Variants in DSCAM observed in about 807,000 individuals in gnomAD.
DSCAM encodes the protein cell adhesion molecule DSCAM.
In DSCAM, 47 loss-of-function variants were observed where a neutral mutation model predicts 217.7. The observed-to-expected ratio is 0.22, with a 90% CI of 0.17 to 0.28. DSCAM has a LOEUF of 0.28. Among genes scored for constraint, DSCAM ranks in the 10% least tolerant of loss-of-function variants. The probability of loss-of-function intolerance (pLI) is 1.00; values close to 1 mark genes in which losing one functional copy is unlikely to be tolerated. For synonymous variants in DSCAM, 1,056 were observed against 1,015.3 expected (o/e 1.04, Z -0.76); for missense variants, 2,080 against 2,618.3 (o/e 0.79, Z 4.49).
intron 3 of DSCAM, among the ~76,000 whole-genome samples, chr21:40,582,336 C>T (rs375528477): frequency 2.7e-4 from 41 of 152,020 alleles, no homozygotes; most frequent in East Asian, 1.5e-3. Context: ...CGGTGAGTTT[C>T]GGTTTGCAGG....
intron 3 of DSCAM, among the ~76,000 whole-genome samples, chr21:40,590,896 A>T (rs2076979214): frequency 6.6e-6 from 1 of 152,106 alleles, no homozygotes; most frequent in Admixed American, 6.5e-5. Flanking sequence ...CAACTGCCTT[A>T]GTTTGTCCAG....
In DSCAM at chr21:40,239,162, G is replaced by A. The variant is rs373736517; in HGVS notation, c.2356+36935C>T. ...TTTTCTGCAGAGAAGAATGCACAGC[G>A]TTTCAGGATGTCAAAACCTTAAATA... On this transcript the variant is annotated intron_variant, in intron 11 of 32. Transcript: ENST00000400454. Among the ~76,000 whole-genome samples, 37 of 152,198 alleles carry A rather than the reference G, an allele frequency of 2.4e-4. No individual in the cohort carries two copies. In the East Asian group the frequency reaches 3.3e-3, roughly 14 times the overall value.
chr21:40,813,628 T>G (rs1308008937), intron 1 of DSCAM, among the ~76,000 whole-genome samples: 4 of 151,678 alleles, frequency 2.6e-5, no homozygotes. Context: ...TTTTGAGGAT[T>G]TCTTTCTTTC....
intron 2 of DSCAM, among the ~76,000 whole-genome samples, chr21:40,696,899 C>A (rs923996968): frequency 5.3e-5 from 8 of 151,916 alleles, no homozygotes; most frequent in African/African-American, 1.9e-4. Context: ...CAATCTTTTC[C>A]CTGTGTTGGG....
At chr21:40,519,628 A>G (rs1157682596) in intron 3 of DSCAM, among the ~76,000 whole-genome samples, 1 of 152,122 alleles carries the variant, frequency 6.6e-6, no homozygotes, top group Non-Finnish European at 1.5e-5. Context: ...AGAAATTTCT[A>G]TTGTTTACAA....
intron 11 of DSCAM, among the ~76,000 whole-genome samples, chr21:40,256,040 G>C (rs2073365999): frequency 1.3e-5 from 2 of 152,226 alleles, no homozygotes; most frequent in African/African-American, 4.8e-5. Flanking sequence ...CACTAAGTTT[G>C]TGGTAGTTTG....
At chr21:40,808,221 T>C (rs1487381516) in intron 1 of DSCAM, among the ~76,000 whole-genome samples, 1 of 152,140 alleles carries the variant, frequency 6.6e-6, no homozygotes, top group African/African-American at 2.4e-5. Flanking sequence ...AATTCCACTG[T>C]CCTTGTATCA....
chr21:40,028,495 A>C lies in DSCAM; in HGVS notation c.5686+13876T>G, dbSNP rs559216754. Among the ~76,000 whole-genome samples the C allele has an allele frequency of 4.8e-3, 732 of 151,904 alleles. 10 individuals carry two copies. Among genetic ancestry groups the C allele is most frequent in the African/African-American group, 0.017 (696 of 41,466 alleles). Reference sequence around the variant, plus strand: ...ATCTCAGACTGCTCTGCTAGCAATCAGCGAGACTCCATGGGCGTAGGACCC... The same window carrying C: ...ATCTCAGACTGCTCTGCTAGCAATCCGCGAGACTCCATGGGCGTAGGACCC... On this transcript the variant is annotated intron_variant, in intron 32 of 32. Transcript: ENST00000400454.
chr21:40,754,301 G>A (rs921104536), intron 1 of DSCAM, among the ~76,000 whole-genome samples: 6 of 152,140 alleles, frequency 3.9e-5, no homozygotes, highest in African/African-American at 1.4e-4. Flanking sequence ...CACAACAGGT[G>A]CAATACTTTT....
In DSCAM at chr21:40,648,347, G is replaced by A. The variant is rs758042585; in HGVS notation, c.508+44463C>T. Among the ~76,000 whole-genome samples the A allele has an allele frequency of 4.6e-5, 7 of 151,582 alleles. No individual in the cohort carries two copies. In the South Asian group the frequency reaches 6.2e-4, roughly 13 times the overall value. ...TTTACCCAACTGTCCTGACACTTCT[G>A]ATTTTAGGAATTGCTAGGGTGATCT... On this transcript the variant is annotated intron_variant, in intron 3 of 32. Transcript: ENST00000400454.
chr21:40,187,094 G>A, intron 14 of DSCAM, 37 bp downstream of exon 14: 1 of 1,608,730 alleles, frequency 6.2e-7, no homozygotes, highest in Non-Finnish European at 8.5e-7. Context: ...AGAACTTTCT[G>A]AGGTGGAAGG....
intron 3 of DSCAM, among the ~76,000 whole-genome samples, chr21:40,540,290 T>A (rs1398376302): frequency 6.6e-6 from 1 of 152,160 alleles, no homozygotes; most frequent in Non-Finnish European, 1.5e-5. Context: ...AAAGTTCAGA[T>A]CAAACAACAA....
At chr21:40,709,325 C>A (rs2837789) in intron 1 of DSCAM, among the ~76,000 whole-genome samples, 47,631 of 152,036 alleles carry the variant, frequency 0.31, 8,058 homozygotes, top group African/African-American at 0.44. Flanking sequence ...ATTAAAATTG[C>A]AAATCATATG....
intron 3 of DSCAM, among the ~76,000 whole-genome samples, chr21:40,505,240 A>C (rs1188560166): frequency 1.3e-5 from 2 of 152,260 alleles, no homozygotes; most frequent in Non-Finnish European, 2.9e-5. Context: ...AGCTGGGTTC[A>C]AAAACTGCCA....
intron 18 of DSCAM, among the ~76,000 whole-genome samples, chr21:40,136,038 G>A (rs928996347): frequency 6.6e-6 from 1 of 152,220 alleles, no homozygotes; most frequent in African/African-American, 2.4e-5. Flanking sequence ...GCTGGGGAGG[G>A]AGCAGGGCGA....
intron 3 of DSCAM, among the ~76,000 whole-genome samples, chr21:40,505,448 G>GA (rs554672244): frequency 1.0e-3 from 147 of 145,846 alleles, no homozygotes; most frequent in Middle Eastern, 3.5e-3. Context: ...AGCATTCTGA[G>GA]AAAAAAAAAA....
intron 1 of DSCAM, among the ~76,000 whole-genome samples, chr21:40,762,697 G>C (rs1229599667): frequency 6.6e-6 from 1 of 152,078 alleles, no homozygotes; most frequent in Admixed American, 6.5e-5. Context: ...GATGAACATC[G>C]ATGCAAAAAT....
chr21:40,379,200 G>A (rs1233164105), intron 3 of DSCAM, among the ~76,000 whole-genome samples: 1 of 152,182 alleles, frequency 6.6e-6, no homozygotes, highest in East Asian at 1.9e-4. Flanking sequence ...AGGAAGGGGA[G>A]GAGAAATTAT....
At chr21:40,388,617 C>T (rs2075107481) in intron 3 of DSCAM, among the ~76,000 whole-genome samples, 1 of 151,784 alleles carries the variant, frequency 6.6e-6, no homozygotes. Context: ...ATAGGAAAAT[C>T]ACGGGAGTTA....
Sources: allele counts gnomAD v4.1 joint callset (sites outside exome capture counted in the v4.1 genomes callset), GRCh38; gene constraint gnomAD v4.1.1; transcripts MANE v1.5; gene names NCBI Gene and HGNC (gene_info 2026-07-23, HGNC 2026-07-21).